SGCZ: variants seen among roughly 807,000 people sequenced by gnomAD.
SGCZ encodes zeta-sarcoglycan.
A neutral mutation model predicts 41.3 loss-of-function variants in SGCZ; 40 were observed. That is an observed-to-expected ratio of 0.97 (90% CI 0.75 to 1.26). The LOEUF is 1.26. Among genes scored for constraint, SGCZ ranks in the 50% most tolerant of loss-of-function variants. The probability of loss-of-function intolerance (pLI) is 0.00; values close to 1 mark genes in which losing one functional copy is unlikely to be tolerated. For missense variants in SGCZ, 552 were observed against 369.8 expected (o/e 1.49, Z -4.04); for synonymous variants, 206 against 137.5 (o/e 1.50, Z -3.49).
chr8:14,362,002 C>A (rs1280683478), intron 2 of SGCZ, among the ~76,000 whole-genome samples: 1 of 152,146 alleles, frequency 6.6e-6, no homozygotes, highest in African/African-American at 2.4e-5. Context: ...GCCTGGGTAT[C>A]ACCAGCAGAG....
chr8:14,163,440 C>A (rs1804108398), intron 5 of SGCZ, among the ~76,000 whole-genome samples: 1 of 152,082 alleles, frequency 6.6e-6, no homozygotes, highest in South Asian at 2.1e-4. Flanking sequence ...TCTATTCCTG[C>A]ATTAGTTTAA....
chr8:14,314,069 T>C (rs939752618), intron 3 of SGCZ, among the ~76,000 whole-genome samples: 6 of 152,070 alleles, frequency 3.9e-5, no homozygotes, highest in Non-Finnish European at 8.8e-5. Flanking sequence ...TTCAGTAGTG[T>C]CTGAGAGACC....
chr8:14,515,360 T>A (rs1467881303), intron 2 of SGCZ, among the ~76,000 whole-genome samples: 2 of 152,110 alleles, frequency 1.3e-5, no homozygotes, highest in African/African-American at 4.8e-5. Context: ...TTTAAATATT[T>A]AGCATTTTTA....
intron 1 of SGCZ, among the ~76,000 whole-genome samples, chr8:15,116,554 C>A (rs1406231096): frequency 6.6e-6 from 1 of 152,116 alleles, no homozygotes; most frequent in Non-Finnish European, 1.5e-5. Flanking sequence ...TTTATTAAAC[C>A]TCATCCAATT....
At chr8:14,827,037 C>T (rs963108115) in intron 1 of SGCZ, among the ~76,000 whole-genome samples, 3 of 151,676 alleles carry the variant, frequency 2.0e-5, no homozygotes, top group South Asian at 2.1e-4. Flanking sequence ...GGTATTGCCT[C>T]GGTTTTCTTC....
intron 2 of SGCZ, among the ~76,000 whole-genome samples, chr8:14,462,264 T>C (rs377547038): frequency 2.0e-5 from 3 of 151,926 alleles, no homozygotes; most frequent in East Asian, 3.9e-4. Context: ...GGAAAAAACA[T>C]ATAGAGGTGC....
At chr8:15,032,972 C>T (rs973391057) in intron 1 of SGCZ, among the ~76,000 whole-genome samples, 1 of 151,730 alleles carries the variant, frequency 6.6e-6, no homozygotes, top group Admixed American at 6.6e-5. Context: ...TTTAGCATGC[C>T]CCAACTCTAA....
intron 1 of SGCZ, among the ~76,000 whole-genome samples, chr8:15,221,289 T>C (rs1439009136): frequency 6.6e-6 from 1 of 152,054 alleles, no homozygotes; most frequent in African/African-American, 2.4e-5. Context: ...ATGAAATAAA[T>C]CAAACTAAAC....
intron 1 of SGCZ, among the ~76,000 whole-genome samples, chr8:14,756,942 G>A (rs1053662279): frequency 5.3e-5 from 8 of 152,162 alleles, no homozygotes; most frequent in Admixed American, 1.3e-4. Flanking sequence ...TTGTAAAAAC[G>A]GCAGAATACT....
At chr8:14,817,002 C>A (rs1801923966) in intron 1 of SGCZ, among the ~76,000 whole-genome samples, 1 of 152,164 alleles carries the variant, frequency 6.6e-6, no homozygotes, top group Admixed American at 6.5e-5. Flanking sequence ...AACTGAAGGT[C>A]AAGTGGTACC....
chr8:14,418,397 C>G (rs1799553359), intron 2 of SGCZ, among the ~76,000 whole-genome samples: 1 of 151,754 alleles, frequency 6.6e-6, no homozygotes, highest in South Asian at 2.1e-4. Flanking sequence ...GAGAGATAAC[C>G]AAAAGATAGA....
At chr8:14,586,834 T>G (rs1414092981) in intron 1 of SGCZ, among the ~76,000 whole-genome samples, 1 of 152,096 alleles carries the variant, frequency 6.6e-6, no homozygotes, top group African/African-American at 2.4e-5. Context: ...CTTAGCCAAT[T>G]TCCTCAAATG....
intron 3 of SGCZ, among the ~76,000 whole-genome samples, chr8:14,295,676 A>G (rs1413171821): frequency 5.3e-5 from 8 of 152,108 alleles, no homozygotes. Context: ...TTAAAAAATG[A>G]AAACTAATGG....
At chr8:14,952,022 C>T (rs1013698695) in intron 1 of SGCZ, among the ~76,000 whole-genome samples, 1 of 151,904 alleles carries the variant, frequency 6.6e-6, no homozygotes, top group Non-Finnish European at 1.5e-5. Context: ...TTATTTGATA[C>T]TCACCTGGTG....
At chr8:14,263,523 T>G (rs995065191) in intron 3 of SGCZ, among the ~76,000 whole-genome samples, 8 of 152,074 alleles carry the variant, frequency 5.3e-5, no homozygotes, top group Non-Finnish European at 1.0e-4. Context: ...CACTCCAGTC[T>G]GAATGAGAAA....
At chr8:15,076,808 A>G (rs1357906174) in intron 1 of SGCZ, among the ~76,000 whole-genome samples, 1 of 145,386 alleles carries the variant, frequency 6.9e-6, no homozygotes, top group Non-Finnish European at 1.5e-5. Context: ...TCCCTCCAGC[A>G]TTCCCTTTTT....
At chr8:14,684,159 A>G (rs1208257027) in intron 1 of SGCZ, among the ~76,000 whole-genome samples, 1 of 152,148 alleles carries the variant, frequency 6.6e-6, no homozygotes, top group Non-Finnish European at 1.5e-5. Context: ...ATGATTGTTC[A>G]TTTCTAACTA....
chr8:14,810,534 ATGTC>A (rs749612813), intron 1 of SGCZ, among the ~76,000 whole-genome samples: 5 of 152,022 alleles, frequency 3.3e-5, no homozygotes, highest in Non-Finnish European at 7.4e-5. Context: ...CAAAAAATAA[ATGTC>A]TGTTTTGAAA....
rs1801505991 is a variant in SGCZ, at chr8:14,085,744, A to T, written c.*4699T>A. Among the ~76,000 whole-genome samples the T allele has an allele frequency of 6.6e-6, 1 of 151,742 alleles. No homozygotes were observed. The highest frequency in any genetic ancestry group is 1.5e-5 in the Non-Finnish European group (1 of 67,786). Reference sequence around the variant, plus strand: ...TTATGCATGTATAAAAGAAAAGTGGACCACACTAATGATGTTTCCCTTCTG... The same window carrying T: ...TTATGCATGTATAAAAGAAAAGTGGTCCACACTAATGATGTTTCCCTTCTG... On this transcript the variant is annotated 3_prime_UTR_variant, in exon 8 of 8. Coordinates refer to ENST00000382080, the MANE Select transcript of SGCZ (RefSeq NM_139167.4).
Sources: allele counts gnomAD v4.1 joint callset (sites outside exome capture counted in the v4.1 genomes callset), GRCh38; gene constraint gnomAD v4.1.1; transcripts MANE v1.5; gene names NCBI Gene and HGNC (gene_info 2026-07-23, HGNC 2026-07-21).